TET1: variants seen among roughly 807,000 people sequenced by gnomAD.
The protein encoded by TET1 is tet methylcytosine dioxygenase 1.
Under a neutral mutation model 148.7 loss-of-function variants are expected in TET1, and 13 were observed. The observed-to-expected ratio is 0.09, with a 90% CI of 0.06 to 0.14. The LOEUF (loss-of-function observed/expected upper bound fraction) is 0.14. Among genes scored for constraint, TET1 ranks in the 10% least tolerant of loss-of-function variants. TET1 has a pLI of 1.00. For synonymous variants in TET1, 907 were observed against 937.2 expected, an observed-to-expected ratio of 0.97 and a Z score of 0.59; for missense variants, 2,182 against 2,553.8, an observed-to-expected ratio of 0.85 and a Z score of 3.14.
chr10:68,666,979 G>A (rs1478113984), intron 6 of TET1, 66 bp from the exon 7 acceptor site: 1 of 1,313,486 alleles, frequency 7.6e-7, no homozygotes, highest in Admixed American at 2.1e-5. Flanking sequence ...ACATCAAAAG[G>A]AATATCCATT....
chr10:68,646,483 G>A lies in TET1; in HGVS notation c.3754G>A (p.Glu1252Lys). 6.2e-7 allele frequency: 1 copy of A among 1,614,166 alleles called. No homozygotes were observed. The change falls in exon 4 of 12, where the codon GAG becomes AAG. Residue 1252 changes from glutamate (E) to lysine (K), a missense_variant. This residue lies in a region of TET1 where 582 missense variants were observed against 599.5 expected (regional missense o/e 0.97). Transcript: ENST00000373644. ...IKLQRYPESA[E>K]EKVKVEPLDS... ...ATTACAGAGATATCCTGAATCAGCA[G>A]AGGAAAAGGTGAAGGTTGAACCATT...
chr10:68,609,495 C>T (rs2054176576), intron 3 of TET1, among the ~76,000 whole-genome samples: 3 of 151,746 alleles, frequency 2.0e-5, no homozygotes, highest in East Asian at 3.9e-4. Context: ...TTGCAGAGAC[C>T]AGGTTTCCCT....
chr10:68,607,788 A>G (rs2054146396), intron 3 of TET1, among the ~76,000 whole-genome samples: 1 of 148,150 alleles, frequency 6.7e-6, no homozygotes, highest in Non-Finnish European at 1.5e-5. Flanking sequence ...ATATATATGA[A>G]TATATATATT....
rs1361144444 is a variant in TET1 at position 68,691,062 on chromosome 10, A to G, written c.5659A>G (p.Arg1887Gly). Residue 1887 changes from arginine (R) to glycine (G), a missense_variant, in exon 12 of 12, where the codon AGA (arginine) becomes GGA (glycine). Arg to Gly is a moderately radical substitution (Grantham distance 125). Transcript: ENST00000373644. This position sits in a 1 kb window ranked among gnomAD's most constrained non-coding sequence, Gnocchi z 4.4. Reference protein sequence around the residue: ...STPHCTMPSGRLSGANAAAAD... With the variant: ...STPHCTMPSGGLSGANAAAAD... ...TCCCCACTGTACGATGCCTTCGGGA[A>G]GACTCAGTGGTGCCAATGCAGCTGC... The G allele has an allele frequency of 1.2e-6, 2 of 1,614,216 alleles. No individual in the cohort carries two copies. The highest frequency in any genetic ancestry group is 1.7e-5 in the Admixed American group (1 of 60,032).
At chr10:68,591,733 T>A (rs577870118) in intron 2 of TET1, among the ~76,000 whole-genome samples, 2 of 151,946 alleles carry the variant, frequency 1.3e-5, no homozygotes, top group South Asian at 4.2e-4. Context: ...AAACCCCGTC[T>A]CCACTAAAAA....
chr10:68,578,438 T>A (rs2053756525), intron 2 of TET1, among the ~76,000 whole-genome samples: 1 of 152,070 alleles, frequency 6.6e-6, no homozygotes, highest in African/African-American at 2.4e-5. Flanking sequence ...TTTGTATTTT[T>A]AGTAGAGACG....
At chr10:68,666,689 T>C (rs1289517371) in intron 6 of TET1, among the ~76,000 whole-genome samples, 3 of 152,202 alleles carry the variant, frequency 2.0e-5, no homozygotes, top group Non-Finnish European at 4.4e-5. Context: ...TTGTTAGTCA[T>C]ATAGGTTCAG....
chr10:68,636,469 G>C (rs1001012001), intron 3 of TET1, among the ~76,000 whole-genome samples: 3 of 152,144 alleles, frequency 2.0e-5, no homozygotes, highest in African/African-American at 7.2e-5. Flanking sequence ...AGTAATCCCA[G>C]CACTTTGGGA....
At position 68,692,064 on chromosome 10, in the gene TET1, G is replaced by A. The variant is rs2055602324; in HGVS notation, c.*250G>A. On this transcript the variant is annotated 3_prime_UTR_variant, in exon 12 of 12. Coordinates refer to ENST00000373644, the MANE Select transcript of TET1 (RefSeq NM_030625.3). ...TTTAAATACATAAAGAAATGTTTCAGTTAGGCATTAACCTTGATAGAATCA... is the reference window on the plus strand; with the variant it reads ...TTTAAATACATAAAGAAATGTTTCAATTAGGCATTAACCTTGATAGAATCA... 2.2e-6 allele frequency: 1 copy of A among 452,556 alleles called. No homozygotes were observed. The highest frequency in any genetic ancestry group is 3.9e-5 in the Admixed American group (1 of 25,724). 28.0% of individuals were successfully genotyped at this position (452,556 alleles called of 1,614,324 possible).
chr10:68,588,143 T>C (rs563779389), intron 2 of TET1, among the ~76,000 whole-genome samples: 156 of 152,276 alleles, frequency 1.0e-3, no homozygotes, highest in African/African-American at 3.4e-3. Context: ...ATTACAGGCG[T>C]CGGCCACCTT....
chr10:68,657,540 G>A (rs1004676514), intron 6 of TET1, among the ~76,000 whole-genome samples: 3 of 152,170 alleles, frequency 2.0e-5, no homozygotes, highest in Non-Finnish European at 4.4e-5. Context: ...TCTGGAGGCT[G>A]GACGATTGCT....
In TET1 at chr10:68,595,590, A is replaced by AAC. The variant is rs143868696; in HGVS notation, c.1915-5375_1915-5374dup. Among the ~76,000 whole-genome samples, 617 of 146,060 alleles carry AAC rather than the reference A, an allele frequency of 4.2e-3. 4 individuals are homozygous for AAC. Among genetic ancestry groups the AAC allele is most frequent in the African/African-American group, 0.012 (493 of 39,838 alleles). The stretch of plus-strand genomic sequence containing the variant: ...TTCATAATTTTAATCCTGAAGCCAC[A>AAC]ACACACACACACACACAGCTTCTTT... On this transcript the variant is annotated intron_variant, in intron 2 of 11. Coordinates refer to ENST00000373644, the MANE Select transcript of TET1 (RefSeq NM_030625.3).
Position 68,691,132 on chromosome 10 carries a change from T to A in TET1, c.5729T>A (p.Leu1910His), listed in dbSNP as rs2055586161. 1 of 1,614,038 alleles carries A rather than the reference T, an allele frequency of 6.2e-7. No homozygotes were observed. Among genetic ancestry groups the A allele is most frequent in the Admixed American group, 1.7e-5 (1 of 59,984 alleles). Residue 1910 changes from leucine (L) to histidine (H), a missense_variant, in exon 12 of 12, where the codon CTC (leucine) becomes CAC (histidine). By Grantham distance (99) the Leu-to-His change is moderately conservative (BLOSUM62 -3). This residue lies in a region of TET1 where 380 missense variants were observed against 387.9 expected (regional missense o/e 0.98). Coordinates refer to ENST00000373644, the MANE Select transcript of TET1 (RefSeq NM_030625.3). The surrounding 1 kb of genome is among the most constrained non-coding windows in gnomAD (Gnocchi z 4.4). ...TCACAGCTTGGCGAAGTGGCTCCTCTCCCCACCCTGTCTGCTCCTGTGATG... is the reference window on the plus strand; with the variant it reads ...TCACAGCTTGGCGAAGTGGCTCCTCACCCCACCCTGTCTGCTCCTGTGATG... ...GISQLGEVAP[L>H]PTLSAPVMEP...
intron 6 of TET1, among the ~76,000 whole-genome samples, chr10:68,654,502 A>G (rs1309176370): frequency 6.6e-6 from 1 of 152,152 alleles, no homozygotes; most frequent in Non-Finnish European, 1.5e-5. Flanking sequence ...CTATAGTCCC[A>G]GCTACTCGGG....
intron 3 of TET1, among the ~76,000 whole-genome samples, chr10:68,618,841 G>T (rs1589081225): frequency 6.6e-6 from 1 of 152,102 alleles, no homozygotes; most frequent in Admixed American, 6.6e-5. Context: ...GGTAGCAAAT[G>T]GTGTCATCTC....
chr10:68,674,239 G>A (rs1350992639), intron 8 of TET1: 2 of 153,880 alleles, frequency 1.3e-5, no homozygotes, highest in African/African-American at 4.8e-5. Flanking sequence ...GGCTGAGGTG[G>A]GAGGTTGGCT....
chr10:68,574,194 G>A lies in TET1; in HGVS notation c.1856G>A (p.Cys619Tyr). The change falls in exon 2 of 12, where the codon TGT becomes TAT. Residue 619 changes from cysteine (C) to tyrosine (Y), a missense_variant. This residue lies in a region of TET1 where 226 missense variants were observed against 307.4 expected (regional missense o/e 0.74). Transcript: ENST00000373644. ...CKNRKNSHQI[C>Y]KKRKCEELKK... ...AACAGAAAGAACAGCCATCAGATCTGTAAGAAAAGAAAATGTGAGGAGCTG... is the reference window on the plus strand; with the variant it reads ...AACAGAAAGAACAGCCATCAGATCTATAAGAAAAGAAAATGTGAGGAGCTG... The A allele has an allele frequency of 1.2e-6, 2 of 1,613,416 alleles. No individual in the cohort carries two copies. The highest frequency in any genetic ancestry group is 1.7e-6 in the Non-Finnish European group (2 of 1,180,012).
At chr10:68,665,605 C>A (rs929828625) in intron 6 of TET1, among the ~76,000 whole-genome samples, 2 of 151,928 alleles carry the variant, frequency 1.3e-5, no homozygotes, top group African/African-American at 4.8e-5. Flanking sequence ...CAGTAAAAAG[C>A]TTTTTAGCAT....
intron 3 of TET1, among the ~76,000 whole-genome samples, chr10:68,624,099 C>CTTTCTTTTTTTTT (rs1554937832): frequency 6.8e-6 from 1 of 148,032 alleles, no homozygotes; most frequent in Non-Finnish European, 1.5e-5. Context: ...TTCTTTCTTT[C>CTTTCTTTTTTTTT]TTTTCTTTTT....
Sources: allele counts gnomAD v4.1 joint callset (sites outside exome capture counted in the v4.1 genomes callset), GRCh38; gene constraint gnomAD v4.1.1; regional missense constraint gnomAD v4.1.1; non-coding constraint Gnocchi (gnomAD v3.1); transcripts MANE v1.5; gene names NCBI Gene and HGNC (gene_info 2026-07-23, HGNC 2026-07-21).